The following SDK1 variants were observed in gnomAD, a reference collection of about 807,000 sequenced individuals.
The protein encoded by SDK1 is protein sidekick-1.
A neutral mutation model predicts 245.5 loss-of-function variants in SDK1; 157 were observed. That is an observed-to-expected ratio of 0.64 (90% confidence interval 0.56 to 0.73). SDK1 has a LOEUF of 0.73. Ranked by LOEUF, SDK1 falls within the 30% of genes least tolerant of loss-of-function variation. The pLI, the probability that SDK1 is intolerant of heterozygous loss-of-function variation, is 0.00. For synonymous variants in SDK1, 1,647 were observed against 1,278.5 expected (o/e 1.29, Z -6.15); for missense variants, 3,583 against 3,002.3 (o/e 1.19, Z -4.52).
intron 17 of SDK1, among the ~76,000 whole-genome samples, chr7:4,041,717 A>T (rs1458606043): frequency 7.2e-6 from 1 of 138,482 alleles, no homozygotes; most frequent in Non-Finnish European, 1.5e-5. Flanking sequence ...CTTTTCCAGA[A>T]TGACATCTTT....
chr7:3,938,578 G>A (rs1033988399), intron 5 of SDK1, among the ~76,000 whole-genome samples: 7 of 149,626 alleles, frequency 4.7e-5, no homozygotes, highest in South Asian at 2.1e-4. Flanking sequence ...CCTGGGAGGC[G>A]GAGCTTGCAG....
chr7:4,058,426 C>G (rs1038143868), intron 19 of SDK1, among the ~76,000 whole-genome samples: 3 of 151,814 alleles, frequency 2.0e-5, no homozygotes, highest in African/African-American at 7.3e-5. Flanking sequence ...GGGATACAAA[C>G]CTGATTTAAC....
chr7:3,616,463 C>T (rs763158248), intron 1 of SDK1, among the ~76,000 whole-genome samples: 4 of 152,152 alleles, frequency 2.6e-5, no homozygotes, highest in African/African-American at 9.7e-5. Flanking sequence ...TTCGTACTGC[C>T]CAAGGGTACT....
intron 4 of SDK1, among the ~76,000 whole-genome samples, chr7:3,791,791 G>A (rs902042532): frequency 1.3e-5 from 2 of 152,166 alleles, no homozygotes; most frequent in Non-Finnish European, 2.9e-5. Flanking sequence ...CTTTTGGCCA[G>A]TTATGGAACA....
intron 4 of SDK1, among the ~76,000 whole-genome samples, chr7:3,798,029 T>A (rs182628922): frequency 7.2e-4 from 110 of 152,196 alleles, no homozygotes; most frequent in African/African-American, 2.2e-3. Context: ...CCCTAGTCCA[T>A]TCATCAAAAC....
rs1020143456 is a variant in SDK1, at chr7:3,985,392, T to C, written c.1995-1794T>C. Among the ~76,000 whole-genome samples, 9 of 152,356 alleles carry C rather than the reference T, an allele frequency of 5.9e-5. No homozygotes were observed. The South Asian group carries it at 1.0e-3, about 18-fold the overall frequency. On this transcript the variant is annotated intron_variant, in intron 13 of 44. Coordinates refer to ENST00000404826, the MANE Select transcript of SDK1 (RefSeq NM_152744.4). ...TGGTTTCAGACCACACCGATTCAGA[T>C]TGCAGCAGGGGGAATAGGAAATGGG...
At chr7:3,776,142 T>TTGAATGAATAC (rs1474973441) in intron 4 of SDK1, among the ~76,000 whole-genome samples, 2 of 152,222 alleles carry the variant, frequency 1.3e-5, no homozygotes, top group Non-Finnish European at 2.9e-5. Context: ...TAACTATCTG[T>TTGAATGAATAC]TGAATGAATA....
intron 23 of SDK1, among the ~76,000 whole-genome samples, chr7:4,112,058 C>T (rs1239635948): frequency 6.6e-6 from 1 of 152,186 alleles, no homozygotes; most frequent in Non-Finnish European, 1.5e-5. Context: ...GTTGAGGATG[C>T]ACCCGTGACC....
At chr7:3,391,744 C>T (rs1781762074) in intron 1 of SDK1, among the ~76,000 whole-genome samples, 1 of 150,710 alleles carries the variant, frequency 6.6e-6, no homozygotes, top group African/African-American at 2.4e-5. Flanking sequence ...TTAAGTGATC[C>T]TCCTGTCTCA....
chr7:3,415,452 A>G (rs1396280354), intron 1 of SDK1, among the ~76,000 whole-genome samples: 1 of 152,170 alleles, frequency 6.6e-6, no homozygotes, highest in Non-Finnish European at 1.5e-5. Context: ...TTAAATGAGA[A>G]GTAGATTAAA....
intron 2 of SDK1, among the ~76,000 whole-genome samples, chr7:3,620,062 C>T (rs915192337): frequency 6.6e-6 from 1 of 152,154 alleles, no homozygotes; most frequent in South Asian, 2.1e-4. Context: ...AAAATCATCG[C>T]TGCCATGCTT....
intron 17 of SDK1, among the ~76,000 whole-genome samples, chr7:4,040,868 C>G (rs1191579590): frequency 6.6e-6 from 1 of 152,184 alleles, no homozygotes; most frequent in East Asian, 1.9e-4. Context: ...GTGTCTGGCC[C>G]TCAGGTAGCC....
At chr7:3,450,905 G>A (rs1439663533) in intron 1 of SDK1, among the ~76,000 whole-genome samples, 1 of 152,166 alleles carries the variant, frequency 6.6e-6, no homozygotes, top group Non-Finnish European at 1.5e-5. Context: ...GAAGAAAATA[G>A]GAAGAGAGGA....
chr7:4,244,768 G>C (rs117110558), intron 43 of SDK1, among the ~76,000 whole-genome samples: 2,568 of 152,110 alleles, frequency 0.017, 24 homozygotes, highest in Non-Finnish European at 0.025. Context: ...CTTCTTCCAA[G>C]CTCATTCAGC....
intron 1 of SDK1, among the ~76,000 whole-genome samples, chr7:3,506,570 G>A (rs1479549592): frequency 1.3e-5 from 2 of 152,076 alleles, no homozygotes; most frequent in South Asian, 2.1e-4. Context: ...TTGATGACAT[G>A]CATATTATAT....
intron 1 of SDK1, among the ~76,000 whole-genome samples, chr7:3,568,686 T>C (rs1024438156): frequency 4.6e-5 from 7 of 152,192 alleles, no homozygotes; most frequent in Non-Finnish European, 1.0e-4. Context: ...CATTATAATT[T>C]ATGACTCTTT....
At chr7:3,891,766 T>A (rs994091211) in intron 5 of SDK1, among the ~76,000 whole-genome samples, 3 of 152,184 alleles carry the variant, frequency 2.0e-5, no homozygotes, top group African/African-American at 7.2e-5. Context: ...CATCTTTGAT[T>A]TGGTCTTTAC....
intron 1 of SDK1, among the ~76,000 whole-genome samples, chr7:3,617,999 C>T (rs1781821483): frequency 6.6e-6 from 1 of 152,064 alleles, no homozygotes; most frequent in African/African-American, 2.4e-5. Flanking sequence ...GCTGATTATG[C>T]AGGTGGATCT....
In SDK1 at chr7:3,951,865, G is replaced by A. The variant is rs554885995; in HGVS notation, c.1095G>A (p.Ala365=). ...CCGGGCCATACGTCTGCGAGGCGGC[G>A]CTGCCGGGGAGCGCTTTTGAACCGG... ...ADTGPYVCEA[A]LPGSAFEPAR... Residue 365 remains alanine, a synonymous_variant, in exon 7 of 45, where the codon GCG becomes GCA. Coordinates refer to ENST00000404826, the MANE Select transcript of SDK1 (RefSeq NM_152744.4). 35 of 1,613,532 alleles carry A rather than the reference G, an allele frequency of 2.2e-5. No individual in the cohort carries two copies. The highest frequency in any genetic ancestry group is 1.6e-4 in the East Asian group (7 of 44,898).
Sources: gnomAD v4.1 joint callset for allele counts (sites outside exome capture counted in the v4.1 genomes callset) on GRCh38, gnomAD v4.1.1 for gene constraint, MANE v1.5 for transcripts, NCBI Gene and HGNC (gene_info 2026-07-23, HGNC 2026-07-21) for gene names.